The following PLXDC1 variants were observed in gnomAD, a reference collection of about 807,000 sequenced individuals.
PLXDC1 encodes plexin domain-containing protein 1.
PLXDC1 carries 39 observed loss-of-function variants against 61.3 expected under a neutral mutation model. That is an observed-to-expected ratio of 0.64 (90% CI 0.49 to 0.83). The LOEUF is 0.83. PLXDC1 is among the 40% of genes least tolerant of loss of function. The pLI is 0.00. For synonymous variants in PLXDC1, 212 were observed against 254.5 expected (o/e 0.83, Z 1.59); for missense variants, 596 against 666.5 (o/e 0.89, Z 1.17).
chr17:39,122,170 A>T (rs1911183922), intron 2 of PLXDC1, among the ~76,000 whole-genome samples: 1 of 149,742 alleles, frequency 6.7e-6, no homozygotes, highest in Non-Finnish European at 1.5e-5. Context: ...TGGGAGGCCG[A>T]GGTAGGCGGA....
chr17:39,118,084 C>CCTTCCTTCCTTCCTTCCTTCCTTCCTT (rs56792110), intron 2 of PLXDC1, among the ~76,000 whole-genome samples: 18 of 101,808 alleles, frequency 1.8e-4, no homozygotes, highest in African/African-American at 6.9e-4. Context: ...CTCCCTCCCT[C>CCTTCCTTCCTTCCTTCCTTCCTTCCTT]CCTTCCTTCC....
chr17:39,095,367 G>GCCCCCAC (rs1555571240), intron 7 of PLXDC1, among the ~76,000 whole-genome samples: 31 of 7,590 alleles, frequency 4.1e-3, no homozygotes, highest in East Asian at 7.7e-3. Context: ...CTTACGCCCC[G>GCCCCCAC]CCCCCCCCCC....
At chr17:39,118,642 C>T (rs557846944) in intron 2 of PLXDC1, among the ~76,000 whole-genome samples, 2 of 152,324 alleles carry the variant, frequency 1.3e-5, no homozygotes, top group South Asian at 2.1e-4. Flanking sequence ...ATCCCAATGA[C>T]GTTTGCCCCC....
Position 39,066,475 on chromosome 17 carries a change from G to A in PLXDC1, c.*1365C>T, listed in dbSNP as rs1186227615. On this transcript the variant is annotated 3_prime_UTR_variant, in exon 14 of 14. Coordinates refer to ENST00000315392, the MANE Select transcript of PLXDC1 (RefSeq NM_020405.5). ...TCCCTCCCATGATAACATGCCCCAAGGGCTGAGAGCCACTATACTGTGTTT... is the reference window on the plus strand; with the variant it reads ...TCCCTCCCATGATAACATGCCCCAAAGGCTGAGAGCCACTATACTGTGTTT... 6.6e-6 allele frequency: 1 copy of A among 152,234 alleles called. No homozygotes were observed. Among genetic ancestry groups the A allele is most frequent in the African/African-American group, 2.4e-5 (1 of 41,460 alleles). The allele number at this position is 152,234 out of a possible 1,614,324, so 9.4% of individuals were successfully genotyped here. A position where few individuals can be genotyped will look rare whatever the true frequency, so the allele number is the denominator to read the frequency against.
chr17:39,150,144 T>C (rs1350993361), intron 1 of PLXDC1, among the ~76,000 whole-genome samples: 1 of 152,052 alleles, frequency 6.6e-6, no homozygotes, highest in Non-Finnish European at 1.5e-5. Context: ...CTGGCCACCC[T>C]CTGTGTGGTC....
rs373945265 is a variant in PLXDC1, at chr17:39,063,511, C to T, written c.*4329G>A. ...GGCTGTTCCCACAGTCATGTCTCAG[C>T]GAAGAAGTCGGAGTTCAGCAGCCAT... On this transcript the variant is annotated 3_prime_UTR_variant, in exon 14 of 14. Transcript: ENST00000315392. 18 of 702,872 alleles carry T rather than the reference C, an allele frequency of 2.6e-5. No individual in the cohort carries two copies. Among genetic ancestry groups the T allele is most frequent in the African/African-American group, 1.7e-4 (10 of 57,338 alleles). The allele number at this position is 702,872 out of a possible 1,614,324, so 43.5% of individuals were successfully genotyped here.
chr17:39,086,859 C>CAAAAAAAAAAAAAAAAAAAAAAAA (rs765774886), intron 8 of PLXDC1, among the ~76,000 whole-genome samples: 1 of 71,520 alleles, frequency 1.4e-5, no homozygotes, highest in African/African-American at 5.7e-5. Context: ...GAGACTGTCT[C>CAAAAAAAAAAAAAAAAAAAAAAAA]AAAAAAAAAA....
rs1908843521 is a variant in PLXDC1 at position 39,065,071 on chromosome 17, G to C, written c.*2769C>G. 1.3e-5 allele frequency: 2 copies of C among 152,214 alleles called. No homozygotes were observed. The highest frequency in any genetic ancestry group is 1.3e-4 in the Admixed American group (2 of 15,278). The allele number at this position is 152,214 out of a possible 1,614,324, so 9.4% of individuals were successfully genotyped here. A position where few individuals can be genotyped will look rare whatever the true frequency, so the allele number is the denominator to read the frequency against. On this transcript the variant is annotated 3_prime_UTR_variant, in exon 14 of 14. Coordinates refer to ENST00000315392, the MANE Select transcript of PLXDC1 (RefSeq NM_020405.5). The stretch of plus-strand genomic sequence containing the variant: ...GGATCCCTGAAGGGAAAGAATGTCA[G>C]GAGTGGAGGAAGGGGTGGTGATGCG...
intron 13 of PLXDC1, among the ~76,000 whole-genome samples, chr17:39,069,363 A>G (rs11654947): frequency 2.0e-5 from 3 of 152,076 alleles, no homozygotes; most frequent in African/African-American, 4.8e-5. Context: ...TTGGTTTCTC[A>G]AAGTGCTAGG....
chr17:39,142,350 C>A (rs1055286918), intron 1 of PLXDC1, among the ~76,000 whole-genome samples: 1 of 152,242 alleles, frequency 6.6e-6, no homozygotes, highest in African/African-American at 2.4e-5. Context: ...AAAGGCTCCT[C>A]TTGTATTTAG....
chr17:39,087,236 G>A (rs551724014), intron 8 of PLXDC1, among the ~76,000 whole-genome samples: 7 of 152,316 alleles, frequency 4.6e-5, no homozygotes, highest in East Asian at 3.9e-4. Context: ...ACTGAGGCCC[G>A]TCTAGTTCCT....
chr17:39,084,628 T>C (rs1241065824), intron 8 of PLXDC1, among the ~76,000 whole-genome samples: 1 of 152,116 alleles, frequency 6.6e-6, no homozygotes, highest in Non-Finnish European at 1.5e-5. Context: ...GGCCCAGACG[T>C]GATCCCAGCA....
chr17:39,151,365 C>A lies in PLXDC1; in HGVS notation c.73G>T (p.Ala25Ser). ...AARALSPQPG[A>S]GHDEGPGSGW... is the part of the protein sequence containing the mutation. ...GGCCGGCTCCCGCCAGTCCTACCTG[C>A]TCCGGGCTGGGGGCTCAGCGCCCGG... Residue 25 changes from alanine to serine, a missense_variant, in exon 1 of 14, where the codon GCA becomes TCA. Ala to Ser is a moderately conservative substitution (Grantham distance 99). Coordinates refer to ENST00000315392, the MANE Select transcript of PLXDC1 (RefSeq NM_020405.5). This position sits in a 1 kb window ranked among gnomAD's most constrained non-coding sequence, Gnocchi z 5.2. 7.8e-7 allele frequency: 1 copy of A among 1,289,998 alleles called. No individual in the cohort carries two copies. The highest frequency in any genetic ancestry group is 9.8e-7 in the Non-Finnish European group (1 of 1,019,004). 79.9% of individuals were successfully genotyped at this position (1,289,998 alleles called of 1,614,324 possible). A position where few individuals can be genotyped will look rare whatever the true frequency, so the allele number is the denominator to read the frequency against.
rs759746618 is a variant in PLXDC1 at position 39,083,555 on chromosome 17, G to C, written c.908-15C>G. On this transcript the variant is annotated splice_polypyrimidine_tract_variant and intron_variant, in intron 8 of 13. Transcript: ENST00000315392. ...CTGCAGGCAGGCTGCAAGAGAGAAG[G>C]CAGTGGCCGCTCAGCACCGAGCCTC... 4.4e-6 allele frequency: 7 copies of C among 1,597,652 alleles called. No individual in the cohort carries two copies. In the South Asian group the frequency reaches 7.9e-5, roughly 18 times the overall value.
chr17:39,119,576 T>C (rs941116255), intron 2 of PLXDC1, among the ~76,000 whole-genome samples: 2 of 151,858 alleles, frequency 1.3e-5, no homozygotes, highest in South Asian at 2.1e-4. Flanking sequence ...GAAACCACCA[T>C]CTCTACAAAA....
At chr17:39,123,333 G>T (rs1045836971) in intron 2 of PLXDC1, among the ~76,000 whole-genome samples, 1 of 152,182 alleles carries the variant, frequency 6.6e-6, no homozygotes, top group Non-Finnish European at 1.5e-5. Context: ...TGGGATTACA[G>T]ATGTGAGCCA....
intron 7 of PLXDC1, among the ~76,000 whole-genome samples, chr17:39,087,933 G>T (rs1437892371): frequency 1.3e-5 from 2 of 152,202 alleles, no homozygotes; most frequent in African/African-American, 4.8e-5. Flanking sequence ...GGCTGCTCTT[G>T]GGGGCAGGAC....
chr17:39,093,363 C>T (rs1242086554), intron 7 of PLXDC1, among the ~76,000 whole-genome samples: 4 of 152,252 alleles, frequency 2.6e-5, no homozygotes, highest in African/African-American at 7.2e-5. Flanking sequence ...CGAGCCACTG[C>T]GTCAGGCCAC....
intron 2 of PLXDC1, among the ~76,000 whole-genome samples, chr17:39,137,156 A>G (rs1271439007): frequency 6.6e-6 from 1 of 152,210 alleles, no homozygotes; most frequent in East Asian, 1.9e-4. Context: ...AAGTCAGGGG[A>G]AAACCGGCAT....
Sources: allele counts gnomAD v4.1 joint callset (sites outside exome capture counted in the v4.1 genomes callset), GRCh38; gene constraint gnomAD v4.1.1; non-coding constraint Gnocchi (gnomAD v3.1); transcripts MANE v1.5; gene names NCBI Gene and HGNC (gene_info 2026-07-23, HGNC 2026-07-21).